Variants in STRN3 observed in about 807,000 individuals in gnomAD.
The protein encoded by STRN3 is striatin-3.
STRN3 carries 29 observed loss-of-function variants against 95.6 expected under a neutral mutation model. The ratio of observed to expected loss-of-function variants is 0.30; its 90% CI spans 0.23 to 0.41. STRN3 has a LOEUF of 0.41. Among genes scored for constraint, STRN3 ranks in the 10% least tolerant of loss-of-function variants. The pLI is 1.00. For missense variants in STRN3, 890 were observed against 972.1 expected (o/e 0.92, Z 1.12); for synonymous variants, 331 against 357.6 (o/e 0.93, Z 0.84).
intron 1 of STRN3, among the ~76,000 whole-genome samples, chr14:30,995,360 A>C (rs547445680): frequency 6.6e-6 from 1 of 152,324 alleles, no homozygotes; most frequent in South Asian, 2.1e-4. Flanking sequence ...CCTTCTTATA[A>C]ATTATTATAA....
chr14:30,920,523 A>G (rs1896853021), intron 8 of STRN3, among the ~76,000 whole-genome samples: 1 of 152,100 alleles, frequency 6.6e-6, no homozygotes, highest in African/African-American at 2.4e-5. Flanking sequence ...CATTTATTTA[A>G]TTTCGCTTCC....
At chr14:30,968,109 G>C (rs1880625779) in intron 1 of STRN3, among the ~76,000 whole-genome samples, 2 of 151,884 alleles carry the variant, frequency 1.3e-5, no homozygotes, top group Admixed American at 1.3e-4. Flanking sequence ...GACTAAACAG[G>C]GTCTTATTAA....
intron 6 of STRN3, among the ~76,000 whole-genome samples, chr14:30,936,236 G>A (rs574583453): frequency 2.6e-5 from 4 of 152,248 alleles, no homozygotes; most frequent in African/African-American, 9.6e-5. Flanking sequence ...AAGTGGAAAG[G>A]GCATTGCTTT....
At chr14:30,983,851 C>A (rs926315085) in intron 1 of STRN3, among the ~76,000 whole-genome samples, 1 of 152,048 alleles carries the variant, frequency 6.6e-6, no homozygotes, top group Non-Finnish European at 1.5e-5. Context: ...AACACAGTCT[C>A]TATAATACAT....
chr14:31,026,370 T>C lies in STRN3; in HGVS notation c.-185A>G. ...TGCCGGCTGCCGCCATTACAATCCC[T>C]CCTCCATCTGCCCGTCTCACTCACT... On this transcript the variant is annotated 5_prime_UTR_variant, in exon 1 of 18. Transcript: ENST00000357479. The C allele has an allele frequency of 4.6e-6, 1 of 217,062 alleles. No individual in the cohort carries two copies. The highest frequency in any genetic ancestry group is 7.5e-6 in the Non-Finnish European group (1 of 133,972). The allele number at this position is 217,062 out of a possible 1,614,324, so 13.4% of individuals were successfully genotyped here.
chr14:30,936,884 T>C (rs1878847404), intron 5 of STRN3, among the ~76,000 whole-genome samples: 1 of 152,238 alleles, frequency 6.6e-6, no homozygotes, highest in Non-Finnish European at 1.5e-5. Context: ...TAAAATCCTA[T>C]AGTATTAGAC....
chr14:30,929,973 A>AAAAAAAAAAAAAAC, intron 7 of STRN3, among the ~76,000 whole-genome samples: 1 of 149,816 alleles, frequency 6.7e-6, no homozygotes, highest in Non-Finnish European at 1.5e-5. Flanking sequence ...AAAAAAAAAA[A>AAAAAAAAAAAAAAC]AAAAAACTCA....
At chr14:30,947,022 C>A in intron 5 of STRN3, 68 bp downstream of exon 5, 4 of 1,171,134 alleles carry the variant, frequency 3.4e-6, no homozygotes, top group Non-Finnish European at 4.5e-6. Flanking sequence ...TAACAAGGAG[C>A]TAAAGAGATT....
At chr14:30,998,884 G>A (rs1882320289) in intron 1 of STRN3, among the ~76,000 whole-genome samples, 1 of 152,086 alleles carries the variant, frequency 6.6e-6, no homozygotes, top group African/African-American at 2.4e-5. Context: ...GAGGCAAGAG[G>A]ATCTCAAGCC....
chr14:30,973,425 A>T (rs1283138756), intron 1 of STRN3, among the ~76,000 whole-genome samples: 3 of 151,774 alleles, frequency 2.0e-5, no homozygotes, highest in Non-Finnish European at 4.4e-5. Context: ...AAGAGGAGAG[A>T]CTCAAATTAC....
At chr14:30,935,946 C>T (rs566283606) in intron 6 of STRN3, among the ~76,000 whole-genome samples, 1 of 152,290 alleles carries the variant, frequency 6.6e-6, no homozygotes, top group East Asian at 1.9e-4. Flanking sequence ...AAATGCTGTA[C>T]ACTACTTTGG....
At chr14:30,986,611 T>A (rs6571380) in intron 1 of STRN3, among the ~76,000 whole-genome samples, 96,565 of 152,148 alleles carry the variant, frequency 0.63, 31,667 homozygotes, top group Non-Finnish European at 0.73. Context: ...CCACATCATT[T>A]TATCCTACTA....
chr14:31,000,230 G>C (rs1209348677), intron 1 of STRN3, among the ~76,000 whole-genome samples: 1 of 107,718 alleles, frequency 9.3e-6, no homozygotes, highest in Non-Finnish European at 1.7e-5. Flanking sequence ...AACTACAAAA[G>C]ATAGTATAAA....
chr14:30,929,720 T>TA (rs1281563486), intron 7 of STRN3, among the ~76,000 whole-genome samples: 2 of 151,874 alleles, frequency 1.3e-5, no homozygotes, highest in Non-Finnish European at 2.9e-5. Flanking sequence ...GCTAGAAAGG[T>TA]AAGTGCTGTT....
intron 4 of STRN3, among the ~76,000 whole-genome samples, chr14:30,949,941 C>T (rs1208236315): frequency 6.6e-6 from 1 of 151,878 alleles, no homozygotes; most frequent in African/African-American, 2.4e-5. Context: ...TAGTTTTTAT[C>T]CAAGAGTTAA....
In STRN3 at chr14:30,975,422, G is replaced by A. The variant is rs114369871; in HGVS notation, c.283-19180C>T. Reference sequence around the variant, plus strand: ...GAGAGAAAAAATGGGAGGGCAGTGAGGGACAAAAGACTACACAATGGTTAC... The same window carrying A: ...GAGAGAAAAAATGGGAGGGCAGTGAAGGACAAAAGACTACACAATGGTTAC... On this transcript the variant is annotated intron_variant, in intron 1 of 17. Coordinates refer to ENST00000357479, the MANE Select transcript of STRN3 (RefSeq NM_001083893.2). 5.3e-3 allele frequency among the ~76,000 whole-genome samples: 805 copies of A among 151,910 alleles called. 6 individuals are homozygous for A. Among genetic ancestry groups the A allele is most frequent in the African/African-American group, 0.019 (774 of 41,436 alleles).
chr14:30,902,238 A>G (rs1896342784), intron 16 of STRN3, among the ~76,000 whole-genome samples: 1 of 149,434 alleles, frequency 6.7e-6, no homozygotes, highest in South Asian at 2.1e-4. Context: ...AAAGAGATCT[A>G]CCTCTTCCAT....
chr14:31,010,785 T>A (rs1472302080), intron 1 of STRN3, among the ~76,000 whole-genome samples: 3 of 152,238 alleles, frequency 2.0e-5, no homozygotes, highest in Non-Finnish European at 4.4e-5. Flanking sequence ...ATGCCTGTAA[T>A]TCCAGCACTT....
intron 5 of STRN3, among the ~76,000 whole-genome samples, chr14:30,940,661 G>T (rs550198491): frequency 6.6e-6 from 1 of 152,148 alleles, no homozygotes; most frequent in South Asian, 2.1e-4. Context: ...GGAGTAACTG[G>T]AAAGAATCCT....
Sources: allele counts gnomAD v4.1 joint callset (sites outside exome capture counted in the v4.1 genomes callset), GRCh38; gene constraint gnomAD v4.1.1; transcripts MANE v1.5; gene names NCBI Gene and HGNC (gene_info 2026-07-23, HGNC 2026-07-21).